GRIN3B: variants seen among roughly 807,000 people sequenced by gnomAD.
The protein encoded by GRIN3B is glutamate receptor ionotropic, NMDA 3B.
Under a neutral mutation model 66.0 loss-of-function variants are expected in GRIN3B, and 77 were observed. The ratio of observed to expected loss-of-function variants is 1.17; its 90% CI spans 0.97 to 1.41. The LOEUF is 1.41. Ranked by LOEUF, GRIN3B falls within the 40% of genes most tolerant of loss-of-function variation. GRIN3B has a pLI of 0.00. For missense variants in GRIN3B, 1,787 were observed against 1,564.5 expected (o/e 1.14, Z -2.40); for synonymous variants, 823 against 749.7 (o/e 1.10, Z -1.60).
rs1158913310 is a variant in GRIN3B, at chr19:1,005,269, C to T, written c.1768C>T (p.Leu590Phe). The change falls in exon 3 of 9, where the codon CTC becomes TTC. Residue 590 changes from leucine (L) to phenylalanine (F), a missense_variant. By Grantham distance (22) the Leu-to-Phe change is conservative. Transcript: ENST00000234389. The surrounding 1 kb of genome is among the most constrained non-coding windows in gnomAD (Gnocchi z 5.2). The stretch of plus-strand genomic sequence containing the variant: ...CTTTGCGGCCCTGCACCTCACCGCG[C>T]TCTTCCTCACCGTGTACGAGTGGCG... ...GVFAALHLTA[L>F]FLTVYEWRSP... The T allele has an allele frequency of 1.2e-6, 2 of 1,613,472 alleles. No homozygotes were observed. The highest frequency in any genetic ancestry group is 1.3e-5 in the African/African-American group (1 of 74,942).
In GRIN3B at chr19:1,004,504, C is replaced by T. The variant is rs1410452869; in HGVS notation, c.1020-17C>T. On this transcript the variant is annotated splice_polypyrimidine_tract_variant and intron_variant, in intron 2 of 8. Coordinates refer to ENST00000234389, the MANE Select transcript of GRIN3B (RefSeq NM_138690.3). ...TGTGAACTTCGACACCTGACACCCC[C>T]CCCGCCCTGCCCCTAGGTTCCTGGC... 2 of 1,556,230 alleles carry T rather than the reference C, an allele frequency of 1.3e-6. No individual in the cohort carries two copies. The highest frequency in any genetic ancestry group is 1.7e-6 in the Non-Finnish European group (2 of 1,146,336).
Position 1,009,269 on chromosome 19 carries a change from C to G in GRIN3B, c.2799C>G (p.Arg933=). ...GCCGGGCCGTGGACAAGGAGCGCCG[C>G]GTGCGCTTCCTGCTGGAGCCCGCCG... ...RARRAVDKER[R]VRFLLEPAVV... is the part of the protein sequence containing the mutation. The change falls in exon 9 of 9, where the codon CGC becomes CGG. Residue 933 remains arginine (R), a synonymous_variant. Coordinates refer to ENST00000234389, the MANE Select transcript of GRIN3B (RefSeq NM_138690.3). 1 of 1,419,360 alleles carries G rather than the reference C, an allele frequency of 7.0e-7. No homozygotes were observed. The highest frequency in any genetic ancestry group is 9.1e-7 in the Non-Finnish European group (1 of 1,097,812). 87.9% of individuals were successfully genotyped at this position (1,419,360 alleles called of 1,614,324 possible). A position where few individuals can be genotyped will look rare whatever the true frequency, so the allele number is the denominator to read the frequency against.
chr19:1,002,874 CA>C lies in GRIN3B; in HGVS notation c.427-246del, dbSNP rs745599169. ...TATTCCATCCGGGGAATGGCACATG[CA>C]AAAAAAAAACAAAAAACACCAAGTG... On this transcript the variant is annotated intron_variant, in intron 1 of 8. Transcript: ENST00000234389. The C allele has an allele frequency of 2.1e-3, 636 of 304,414 alleles. 1 individual carries two copies. Among genetic ancestry groups the C allele is most frequent in the South Asian group, 4.8e-3 (42 of 8,830 alleles). The allele number at this position is 304,414 out of a possible 1,614,324, so 18.9% of individuals were successfully genotyped here.
chr19:1,003,844 C>T (rs375439703), intron 2 of GRIN3B, 122 bp downstream of exon 2: 7 of 755,718 alleles, frequency 9.3e-6, no homozygotes, highest in South Asian at 5.8e-5. Flanking sequence ...CCCAGCACTT[C>T]GGAAGGCCGA....
At chr19:1,008,990 GCC>G in intron 8 of GRIN3B, 63 bp downstream of exon 8, 1 of 1,539,870 alleles carries the variant, frequency 6.5e-7, no homozygotes, top group Non-Finnish European at 8.8e-7. Context: ...CCACCAGCTC[GCC>G]CCGAAGCCGG....
In GRIN3B at chr19:1,008,428, C is replaced by G. The variant is rs1599462096; in HGVS notation, c.2466+137C>G. The G allele has an allele frequency of 4.8e-6, 5 of 1,051,196 alleles. No homozygotes were observed. The East Asian group carries it at 1.0e-4, about 22-fold the overall frequency. The allele number at this position is 1,051,196 out of a possible 1,614,324, so 65.1% of individuals were successfully genotyped here. ...CTTCTGCGCACTTCTATTCACCCTA[C>G]AAAACCCCGGCTGCAGTGCCCCTTC... is the stretch of plus-strand genomic sequence containing the variant. On this transcript the variant is annotated intron_variant, in intron 6 of 8. Transcript: ENST00000234389.
chr19:1,006,079 G>A (rs2038745338), intron 3 of GRIN3B, among the ~76,000 whole-genome samples: 1 of 152,158 alleles, frequency 6.6e-6, no homozygotes, highest in Non-Finnish European at 1.5e-5. Flanking sequence ...CAAACGCCGG[G>A]GCTCAAGCAG....
chr19:1,002,465 CA>C (rs34464705), intron 1 of GRIN3B, among the ~76,000 whole-genome samples: 14,176 of 93,472 alleles, frequency 0.15, 833 homozygotes, highest in African/African-American at 0.25. Flanking sequence ...GACTCCATCT[CA>C]AAAAAAAAAA....
rs747446219 is a variant in GRIN3B, at chr19:1,004,581, C to T, written c.1080C>T (p.Ser360=). Residue 360 remains serine, a synonymous_variant, in exon 3 of 9, where the codon TCC becomes TCT. Transcript: ENST00000234389. ...GCCCCGTGTGGGTGACAGGCAGCTC[C>T]CAGGTACACATGTCTCGGCACTTTA... The part of the protein sequence containing the change: ...RTGPVWVTGS[S]QVHMSRHFKV... 1.2e-6 allele frequency: 2 copies of T among 1,609,956 alleles called. No homozygotes were observed. The highest frequency in any genetic ancestry group is 2.2e-5 in the South Asian group (2 of 90,564).
At chr19:1,008,815 C>T (rs761423811) in intron 7 of GRIN3B, 33 bp downstream of exon 7, 65 of 1,587,178 alleles carry the variant, frequency 4.1e-5, no homozygotes, top group Non-Finnish European at 4.9e-5. Flanking sequence ...GCGGCCCCAC[C>T]CCCCCCGCCT....
Position 1,007,733 on chromosome 19 carries a change from C to G in GRIN3B, c.2158C>G (p.His720Asp). Reference sequence around the variant, plus strand: ...CGACATGCACGCACACATGCGGCGCCACAGCGCGCCCACCACGCCCCGCGG... The same window carrying G: ...CGACATGCACGCACACATGCGGCGCGACAGCGCGCCCACCACGCCCCGCGG... ...FPDMHAHMRR[H>D]SAPTTPRGVA... Residue 720 changes from histidine to aspartate, a missense_variant, in exon 4 of 9, where the codon CAC becomes GAC. Coordinates refer to ENST00000234389, the MANE Select transcript of GRIN3B (RefSeq NM_138690.3). The surrounding 1 kb of genome is among the most constrained non-coding windows in gnomAD (Gnocchi z 4.4). 1 of 1,527,054 alleles carries G rather than the reference C, an allele frequency of 6.5e-7. No homozygotes were observed. Among genetic ancestry groups the G allele is most frequent in the Non-Finnish European group, 8.8e-7 (1 of 1,138,454 alleles). 94.6% of individuals were successfully genotyped at this position (1,527,054 alleles called of 1,614,324 possible). A position where few individuals can be genotyped will look rare whatever the true frequency, so the allele number is the denominator to read the frequency against.
Position 1,003,407 on chromosome 19 carries a change from CG to C in GRIN3B, c.706del (p.Val236SerfsTer121), listed in dbSNP as rs1183421363. 1.3e-6 allele frequency: 2 copies of C among 1,549,218 alleles called. No homozygotes were observed. Among genetic ancestry groups the C allele is most frequent in the African/African-American group, 2.7e-5 (2 of 73,418 alleles). The part of the protein sequence containing the change: ...PVGGEAPVPA[A>X]VLLGCDIARA... Reference sequence around the variant, plus strand: ...GGGGGTGAAGCACCGGTACCCGCGGCGGTCCTCCTCGGCTGTGACATCGCCC... The same window carrying C: ...GGGGGTGAAGCACCGGTACCCGCGGCGTCCTCCTCGGCTGTGACATCGCCC... On this transcript the variant is annotated frameshift_variant, in exon 2 of 9. Transcript: ENST00000234389. LOFTEE classifies it high-confidence loss of function.
rs1248469870 is a variant in GRIN3B, at chr19:1,009,169, C to A, written c.2703-4C>A. On this transcript the variant is annotated splice_region_variant and splice_polypyrimidine_tract_variant and intron_variant, in intron 8 of 8. Transcript: ENST00000234389. The stretch of plus-strand genomic sequence containing the variant: ...GACACTGACCAGGCCGGTTCCGTCC[C>A]CAGCGGCCCCGAGGTGGAGCAGCAG... The A allele has an allele frequency of 6.8e-7, 1 of 1,463,522 alleles. No homozygotes were observed. The highest frequency in any genetic ancestry group is 8.9e-7 in the Non-Finnish European group (1 of 1,118,786). 90.7% of individuals were successfully genotyped at this position (1,463,522 alleles called of 1,614,324 possible). A position where few individuals can be genotyped will look rare whatever the true frequency, so the allele number is the denominator to read the frequency against.
chr19:1,009,678 T>C lies in GRIN3B; in HGVS notation c.*76T>C, dbSNP rs1157151786. 10 of 1,179,402 alleles carry C rather than the reference T, an allele frequency of 8.5e-6. No homozygotes were observed. Among genetic ancestry groups the C allele is most frequent in the Admixed American group, 4.1e-5 (1 of 24,312 alleles). 73.1% of individuals were successfully genotyped at this position (1,179,402 alleles called of 1,614,324 possible). ...CGCTGTCAACAGACAGTTTATTCTA[T>C]ATACAAACACAATTTTGTACACTGC... is the stretch of plus-strand genomic sequence containing the variant. On this transcript the variant is annotated 3_prime_UTR_variant, in exon 9 of 9. Transcript: ENST00000234389.
In GRIN3B at chr19:1,009,663, A is replaced by T; in HGVS notation, c.*61A>T. The T allele has an allele frequency of 7.8e-7, 1 of 1,275,238 alleles. No homozygotes were observed. The highest frequency in any genetic ancestry group is 1.8e-5 in the South Asian group (1 of 55,266). 79.0% of individuals were successfully genotyped at this position (1,275,238 alleles called of 1,614,324 possible). A position where few individuals can be genotyped will look rare whatever the true frequency, so the allele number is the denominator to read the frequency against. The stretch of plus-strand genomic sequence containing the variant: ...CACAGCGCAGTGAGCCGCTGTCAAC[A>T]GACAGTTTATTCTATATACAAACAC... On this transcript the variant is annotated 3_prime_UTR_variant, in exon 9 of 9. Transcript: ENST00000234389.
In GRIN3B at chr19:1,009,544, C is replaced by T. The variant is rs764888684; in HGVS notation, c.3074C>T (p.Ala1025Val). Reference protein sequence around the residue: ...ARHRPRRLLQARAAPAEAPPH... With the variant: ...ARHRPRRLLQVRAAPAEAPPH... Reference sequence around the variant, plus strand: ...CACCGGCCTCGGCGCTTGCTTCAGGCCAGAGCGGCCCCCGCGGAGGCCCCA... The same window carrying T: ...CACCGGCCTCGGCGCTTGCTTCAGGTCAGAGCGGCCCCCGCGGAGGCCCCA... Residue 1025 changes from alanine to valine, a missense_variant, in exon 9 of 9, where the codon GCC becomes GTC. Coordinates refer to ENST00000234389, the MANE Select transcript of GRIN3B (RefSeq NM_138690.3). 4 of 1,476,504 alleles carry T rather than the reference C, an allele frequency of 2.7e-6. No homozygotes were observed. The highest frequency in any genetic ancestry group is 1.3e-5 in the South Asian group (1 of 76,998). The allele number at this position is 1,476,504 out of a possible 1,614,324, so 91.5% of individuals were successfully genotyped here. A position where few individuals can be genotyped will look rare whatever the true frequency, so the allele number is the denominator to read the frequency against.
chr19:1,003,654 C>T lies in GRIN3B; in HGVS notation c.951C>T (p.Leu317=), dbSNP rs1324651263. 1 of 1,414,514 alleles carries T rather than the reference C, an allele frequency of 7.1e-7. No individual in the cohort carries two copies. Among genetic ancestry groups the T allele is most frequent in the Non-Finnish European group, 9.2e-7 (1 of 1,090,384 alleles). The allele number at this position is 1,414,514 out of a possible 1,614,324, so 87.6% of individuals were successfully genotyped here. The part of the protein sequence containing the change: ...AAQVQPKRAL[L]PAPVNCGDLQ... ...AGGTGCAGCCGAAGCGAGCCCTCCTCCCCGCCCCGGTCAACTGCGGGGACC... is the reference window on the plus strand; with the variant it reads ...AGGTGCAGCCGAAGCGAGCCCTCCTTCCCGCCCCGGTCAACTGCGGGGACC... Residue 317 remains leucine (L), a synonymous_variant, in exon 2 of 9, where the codon CTC becomes CTT. Coordinates refer to ENST00000234389, the MANE Select transcript of GRIN3B (RefSeq NM_138690.3).
At chr19:1,008,459 T>C (rs972203724) in intron 6 of GRIN3B, among the ~76,000 whole-genome samples, 159 bp from the exon 7 acceptor site, 1 of 152,114 alleles carries the variant, frequency 6.6e-6, no homozygotes, top group Non-Finnish European at 1.5e-5. Context: ...CCTTCCTCCA[T>C]GAAACCTCAC....
At position 1,005,833 on chromosome 19, in the gene GRIN3B, C is replaced by T. The variant is rs545877965; in HGVS notation, c.2052+280C>T. On this transcript the variant is annotated intron_variant, in intron 3 of 8. Transcript: ENST00000234389. This position sits in a 1 kb window ranked among gnomAD's most constrained non-coding sequence, Gnocchi z 5.2. ...CCTGGCCAACATGGTGAAACCCCAT[C>T]TTTACTAAAAAATACAAAGAATTAG... 1.3e-5 allele frequency among the ~76,000 whole-genome samples: 2 copies of T among 152,190 alleles called. No homozygotes were observed. The highest frequency in any genetic ancestry group is 2.1e-4 in the South Asian group (1 of 4,826).
Sources: allele counts gnomAD v4.1 joint callset (sites outside exome capture counted in the v4.1 genomes callset), GRCh38; gene constraint gnomAD v4.1.1; non-coding constraint Gnocchi (gnomAD v3.1); transcripts MANE v1.5; gene names NCBI Gene and HGNC (gene_info 2026-07-23, HGNC 2026-07-21).